KIF21A: variants seen among roughly 807,000 people sequenced by gnomAD.
KIF21A encodes kinesin family member 21A.
A neutral mutation model predicts 202.9 loss-of-function variants in KIF21A; 114 were observed. The ratio of observed to expected loss-of-function variants is 0.56; its 90% CI spans 0.48 to 0.66. KIF21A has a LOEUF of 0.66. Ranked by LOEUF, KIF21A falls within the 30% of genes least tolerant of loss-of-function variation. The pLI, the probability that KIF21A is intolerant of heterozygous loss-of-function variation, is 0.00. For synonymous variants in KIF21A, 667 were observed against 670.8 expected (o/e 0.99, Z 0.09); for missense variants, 1,677 against 1,994.9 (o/e 0.84, Z 3.04).
At chr12:39,314,395 T>C (rs1006407158) in intron 31 of KIF21A, among the ~76,000 whole-genome samples, 2 of 151,842 alleles carry the variant, frequency 1.3e-5, no homozygotes, top group Admixed American at 6.6e-5. Flanking sequence ...AATTTTGATG[T>C]CTTAAGGTTC....
chr12:39,357,675 C>T (rs565836444), intron 8 of KIF21A, among the ~76,000 whole-genome samples: 20 of 151,688 alleles, frequency 1.3e-4, no homozygotes, highest in Non-Finnish European at 2.8e-4. Flanking sequence ...TTTGGGAGGC[C>T]AAAGTGGGCA....
chr12:39,388,892 C>T (rs945215179), intron 1 of KIF21A, among the ~76,000 whole-genome samples: 1 of 152,124 alleles, frequency 6.6e-6, no homozygotes, highest in East Asian at 1.9e-4. Flanking sequence ...TCTAAACATA[C>T]TGAAACCTCA....
chr12:39,342,140 TA>T lies in KIF21A; in HGVS notation c.1713-17del. 1 of 1,527,546 alleles carries T rather than the reference TA, an allele frequency of 6.5e-7. No individual in the cohort carries two copies. Among genetic ancestry groups the T allele is most frequent in the African/African-American group, 1.4e-5 (1 of 73,320 alleles). The allele number at this position is 1,527,546 out of a possible 1,614,324, so 94.6% of individuals were successfully genotyped here. On this transcript the variant is annotated splice_polypyrimidine_tract_variant and intron_variant, in intron 12 of 37. Transcript: ENST00000361418. The stretch of plus-strand genomic sequence containing the variant: ...ACCAGCCACACTAAAAAAAGGAACA[TA>T]AGGGTATGGTGTTAAAATAGAAAGG...
intron 34 of KIF21A, among the ~76,000 whole-genome samples, chr12:39,306,986 AC>A (rs1592049539): frequency 6.6e-6 from 1 of 152,224 alleles, no homozygotes; most frequent in East Asian, 1.9e-4. Flanking sequence ...TAAACACTCA[AC>A]TAAAGGAAAA....
chr12:39,312,639 T>C (rs1006035851), intron 31 of KIF21A: 3 of 151,994 alleles, frequency 2.0e-5, no homozygotes, highest in Admixed American at 6.6e-5. Context: ...TCCATAAATA[T>C]ATATCTACTA....
At chr12:39,355,462 G>T (rs1254301636) in intron 10 of KIF21A, among the ~76,000 whole-genome samples, 1 of 151,762 alleles carries the variant, frequency 6.6e-6, no homozygotes, top group African/African-American at 2.4e-5. Context: ...GAAAAGAGAC[G>T]CAGCCTAAGA....
chr12:39,302,558 A>C (rs763135801), intron 36 of KIF21A, among the ~76,000 whole-genome samples: 2 of 152,224 alleles, frequency 1.3e-5, no homozygotes, highest in Non-Finnish European at 2.9e-5. Context: ...AGATGCATGA[A>C]AATGCTCTTA....
chr12:39,315,971 C>G lies in KIF21A; in HGVS notation c.3909-1G>C. ...GAGAGAGGAGTCACTTTCATCAGACCTATAGTGAAAGAGTTAGAATTATGA... is the reference window on the plus strand; with the variant it reads ...GAGAGAGGAGTCACTTTCATCAGACGTATAGTGAAAGAGTTAGAATTATGA... On this transcript the variant is annotated splice_acceptor_variant, in intron 29 of 37. Coordinates refer to ENST00000361418, the MANE Select transcript of KIF21A (RefSeq NM_001173464.2). LOFTEE classifies it high-confidence loss of function. The G allele has an allele frequency of 6.3e-7, 1 of 1,597,146 alleles. No homozygotes were observed.
chr12:39,313,908 T>A (rs185917090), intron 31 of KIF21A, among the ~76,000 whole-genome samples: 1 of 151,716 alleles, frequency 6.6e-6, no homozygotes, highest in African/African-American at 2.4e-5. Flanking sequence ...GAATGAAGGA[T>A]CTGTAGACTA....
At chr12:39,296,418 C>A (rs951065049) in intron 37 of KIF21A, among the ~76,000 whole-genome samples, 44 of 152,128 alleles carry the variant, frequency 2.9e-4, no homozygotes, top group African/African-American at 9.9e-4. Flanking sequence ...AAGCTCAAAT[C>A]TTTTGCCTTT....
intron 1 of KIF21A, among the ~76,000 whole-genome samples, chr12:39,389,871 T>C (rs981590981): frequency 4.6e-5 from 7 of 152,206 alleles, no homozygotes; most frequent in Non-Finnish European, 1.0e-4. Context: ...GATTTTTATA[T>C]AGTGTCAACC....
chr12:39,363,157 A>G lies in KIF21A; in HGVS notation c.960T>C (p.His320=). The G allele has an allele frequency of 1.2e-6, 2 of 1,613,412 alleles. No individual in the cohort carries two copies. Among genetic ancestry groups the G allele is most frequent in the South Asian group, 2.2e-5 (2 of 91,022 alleles). The change falls in exon 7 of 38, where the codon CAT becomes CAC. Residue 320 remains histidine, a synonymous_variant. Transcript: ENST00000361418. ...TTAGCTTGGAATCTCTATAGGGGAC[A>G]TGTGTGGCCCTCTTGCTCTTGTCTC... ...ALGDKSKRAT[H]VPYRDSKLTR...
rs1386876445 is a variant in KIF21A, at chr12:39,384,714, A to ATT, written c.45-14454_45-14453insAA. On this transcript the variant is annotated intron_variant, in intron 1 of 37. Coordinates refer to ENST00000361418, the MANE Select transcript of KIF21A (RefSeq NM_001173464.2). Reference sequence around the variant, plus strand: ...TATCTCACAGTGTCTGTAAGTCAGAAATCCAGGCATGGCACAGCTAGGGCT... The same window carrying ATT: ...TATCTCACAGTGTCTGTAAGTCAGAATTATCCAGGCATGGCACAGCTAGGGCT... 5.9e-5 allele frequency among the ~76,000 whole-genome samples: 9 copies of ATT among 152,188 alleles called. 1 individual carries two copies.
chr12:39,350,330 A>T (rs990375319), intron 11 of KIF21A, among the ~76,000 whole-genome samples: 1 of 152,044 alleles, frequency 6.6e-6, no homozygotes, highest in Non-Finnish European at 1.5e-5. Flanking sequence ...TCAACAGGTG[A>T]TTAAGGAAAT....
At chr12:39,326,529 G>C (rs1489891598) in intron 24 of KIF21A, among the ~76,000 whole-genome samples, 1 of 152,180 alleles carries the variant, frequency 6.6e-6, no homozygotes, top group East Asian at 1.9e-4. Context: ...AGTAAAACAT[G>C]TTCAAATAGG....
intron 1 of KIF21A, among the ~76,000 whole-genome samples, chr12:39,376,541 G>C (rs556645310): frequency 6.6e-6 from 1 of 152,200 alleles, no homozygotes; most frequent in African/African-American, 2.4e-5. Flanking sequence ...GAACTAAACT[G>C]AATTAAATGC....
In KIF21A at chr12:39,342,070, C is replaced by T. The variant is rs1399474327; in HGVS notation, c.1767G>A (p.Lys589=). 3.1e-6 allele frequency: 5 copies of T among 1,612,006 alleles called. No homozygotes were observed. Among genetic ancestry groups the T allele is most frequent in the South Asian group, 1.1e-5 (1 of 91,020 alleles). ...CATTGTTTTCTCTTTCCGAAACACC[C>T]TTTTCTTCTTTCTTCTCTTGGTCAG... ...TDTDQEKKEE[K]GVSERENNEL... Residue 589 remains lysine (K), a synonymous_variant, in exon 13 of 38, where the codon AAG becomes AAA. Coordinates refer to ENST00000361418, the MANE Select transcript of KIF21A (RefSeq NM_001173464.2).
chr12:39,315,576 C>T (rs61937869), intron 30 of KIF21A, among the ~76,000 whole-genome samples: 7,770 of 151,472 alleles, frequency 0.051, 301 homozygotes, highest in Middle Eastern at 0.078. Context: ...GAAAAAAATA[C>T]CTTATCTACC....
chr12:39,370,109 A>C lies in KIF21A; in HGVS notation c.197T>G (p.Ile66Ser), dbSNP rs1227646139. ...DIDSQQEQIY[I>S]QCIEKLIEGC... ...TTCAATTAGTTTTTCTATACATTGA[A>C]TGTAGATCTGCTCTTGCTGGGAGTC... is the stretch of plus-strand genomic sequence containing the variant. The change falls in exon 2 of 38, where the codon ATT (isoleucine) becomes AGT (serine). Residue 66 changes from isoleucine to serine, a missense_variant. Physicochemically the swap from Ile to Ser is moderately radical, Grantham distance 142 (BLOSUM62 -2). Transcript: ENST00000361418. 1 of 1,612,546 alleles carries C rather than the reference A, an allele frequency of 6.2e-7. No homozygotes were observed. Among genetic ancestry groups the C allele is most frequent in the Non-Finnish European group, 8.5e-7 (1 of 1,179,382 alleles).
Sources: allele counts gnomAD v4.1 joint callset (sites outside exome capture counted in the v4.1 genomes callset), GRCh38; gene constraint gnomAD v4.1.1; transcripts MANE v1.5; gene names NCBI Gene and HGNC (gene_info 2026-07-23, HGNC 2026-07-21).